MACROD2: variants seen among roughly 807,000 people sequenced by gnomAD.
The protein encoded by MACROD2 is mono-ADP ribosylhydrolase 2.
Under a neutral mutation model 70.4 loss-of-function variants are expected in MACROD2, and 36 were observed. The ratio of observed to expected loss-of-function variants is 0.51; its 90% CI spans 0.39 to 0.68. MACROD2 has a LOEUF of 0.68. Among genes scored for constraint, MACROD2 ranks in the 30% least tolerant of loss-of-function variants. MACROD2 has a pLI of 0.00. For missense variants in MACROD2, 496 were observed against 538.4 expected (o/e 0.92, Z 0.78); for synonymous variants, 172 against 178.8 (o/e 0.96, Z 0.30).
intron 3 of MACROD2, among the ~76,000 whole-genome samples, chr20:14,093,561 C>T (rs1449614832): frequency 6.6e-6 from 1 of 152,038 alleles, no homozygotes; most frequent in Non-Finnish European, 1.5e-5. Flanking sequence ...TCAGTTACCT[C>T]ATGGGGATGC....
At chr20:15,727,063 A>C (rs1044668721) in intron 8 of MACROD2, among the ~76,000 whole-genome samples, 2 of 151,620 alleles carry the variant, frequency 1.3e-5, no homozygotes, top group African/African-American at 4.8e-5. Flanking sequence ...TAGTTTTAGG[A>C]TTTAAGTCTT....
intron 7 of MACROD2, among the ~76,000 whole-genome samples, chr20:15,435,978 G>GT (rs1175193861): frequency 6.6e-6 from 1 of 152,058 alleles, no homozygotes; most frequent in Non-Finnish European, 1.5e-5. Context: ...TTTCTCCTCT[G>GT]TTTTTTGGTA....
intron 5 of MACROD2, among the ~76,000 whole-genome samples, chr20:14,846,508 A>T (rs1165883328): frequency 6.8e-6 from 1 of 147,052 alleles, no homozygotes; most frequent in Non-Finnish European, 1.5e-5. Flanking sequence ...TGGGAGGAAA[A>T]TGCACATCAC....
intron 6 of MACROD2, among the ~76,000 whole-genome samples, chr20:15,393,516 A>G (rs1052775962): frequency 3.3e-5 from 5 of 151,638 alleles, no homozygotes; most frequent in African/African-American, 7.3e-5. Context: ...CTTCCACTCA[A>G]TTTTGCACCT....
intron 3 of MACROD2, among the ~76,000 whole-genome samples, chr20:14,109,679 C>T (rs2054421571): frequency 1.3e-5 from 2 of 151,716 alleles, no homozygotes; most frequent in African/African-American, 4.8e-5. Flanking sequence ...ACACATACAA[C>T]CTATGAAAAT....
At chr20:14,119,590 G>C (rs956360634) in intron 3 of MACROD2, among the ~76,000 whole-genome samples, 2 of 152,128 alleles carry the variant, frequency 1.3e-5, no homozygotes, top group Non-Finnish European at 2.9e-5. Context: ...TACTATTATG[G>C]ATACATTTGT....
At chr20:14,903,569 A>T (rs1430457332) in intron 5 of MACROD2, among the ~76,000 whole-genome samples, 1 of 76,358 alleles carries the variant, frequency 1.3e-5, no homozygotes, top group Non-Finnish European at 2.5e-5. Context: ...TTAAATTTTT[A>T]TTTAAAAATT....
chr20:15,872,762 G>A (rs1392199878), intron 9 of MACROD2, among the ~76,000 whole-genome samples: 1 of 152,050 alleles, frequency 6.6e-6, no homozygotes, highest in Non-Finnish European at 1.5e-5. Flanking sequence ...GTGAAAAACA[G>A]ATAAGCAAAA....
At chr20:15,290,718 C>A (rs996813611) in intron 6 of MACROD2, among the ~76,000 whole-genome samples, 1 of 152,208 alleles carries the variant, frequency 6.6e-6, no homozygotes, top group Non-Finnish European at 1.5e-5. Context: ...ATCCAGATCT[C>A]TTCTACGCAG....
intron 5 of MACROD2, among the ~76,000 whole-genome samples, chr20:15,095,263 G>C (rs1485280041): frequency 6.6e-6 from 1 of 151,232 alleles, no homozygotes; most frequent in African/African-American, 2.4e-5. Flanking sequence ...TTTTAGTAGA[G>C]ATGGGGTTTC....
At chr20:14,184,411 G>C (rs2081328217) in intron 3 of MACROD2, among the ~76,000 whole-genome samples, 1 of 152,004 alleles carries the variant, frequency 6.6e-6, no homozygotes, top group African/African-American at 2.4e-5. Flanking sequence ...CCAGTACCAT[G>C]CTGTTTTGGT....
chr20:15,083,282 G>A (rs1405966737), intron 5 of MACROD2, among the ~76,000 whole-genome samples: 1 of 152,094 alleles, frequency 6.6e-6, no homozygotes, highest in African/African-American at 2.4e-5. Flanking sequence ...AATCATACAA[G>A]GAAAGGGATT....
chr20:14,675,747 GA>G (rs1455240356), intron 4 of MACROD2, among the ~76,000 whole-genome samples: 7 of 152,106 alleles, frequency 4.6e-5, no homozygotes, highest in Non-Finnish European at 8.8e-5. Context: ...CCAATTAAAA[GA>G]CACAGGCAAA....
intron 3 of MACROD2, among the ~76,000 whole-genome samples, chr20:14,148,589 C>T (rs1024139456): frequency 1.3e-5 from 2 of 152,172 alleles, no homozygotes; most frequent in Non-Finnish European, 2.9e-5. Flanking sequence ...TGCACTGTTA[C>T]ATATTCTTTC....
chr20:14,818,143 C>T (rs1300312171), intron 5 of MACROD2, among the ~76,000 whole-genome samples: 1 of 151,890 alleles, frequency 6.6e-6, no homozygotes, highest in Non-Finnish European at 1.5e-5. Context: ...TATGGATATC[C>T]CCTGCTGGGG....
rs1490176545 is a variant in MACROD2, at chr20:15,325,738, C to G, written c.540+95677C>G. Among the ~76,000 whole-genome samples the G allele has an allele frequency of 9.9e-5, 15 of 152,134 alleles. 1 individual carries two copies. The highest frequency in any genetic ancestry group is 2.7e-4 in the African/African-American group (11 of 41,438). ...CATTAATCAGAGCTAGTGCAGGTAC[C>G]AAGGGAACAGGGGTTCCATTAGCAT... On this transcript the variant is annotated intron_variant, in intron 6 of 17. Coordinates refer to ENST00000684519, the MANE Select transcript of MACROD2 (RefSeq NM_001351661.2).
intron 5 of MACROD2, among the ~76,000 whole-genome samples, chr20:14,716,002 C>A (rs1408887740): frequency 1.3e-5 from 2 of 152,162 alleles, no homozygotes; most frequent in Non-Finnish European, 2.9e-5. Flanking sequence ...CCAACCTGCT[C>A]TGTTGCTATG....
intron 8 of MACROD2, among the ~76,000 whole-genome samples, chr20:15,660,026 A>G (rs943737245): frequency 6.6e-6 from 1 of 152,132 alleles, no homozygotes; most frequent in Non-Finnish European, 1.5e-5. Context: ...TAGAGTCTGT[A>G]TCTAGTTTGG....
chr20:15,121,548 G>T (rs1203952273), intron 5 of MACROD2, among the ~76,000 whole-genome samples: 2 of 150,456 alleles, frequency 1.3e-5, no homozygotes, highest in African/African-American at 4.9e-5. Context: ...GAAAGAAAAT[G>T]CCCTAAGGAG....
Sources: gnomAD v4.1 joint callset for allele counts (sites outside exome capture counted in the v4.1 genomes callset) on GRCh38, gnomAD v4.1.1 for gene constraint, MANE v1.5 for transcripts, NCBI Gene and HGNC (gene_info 2026-07-23, HGNC 2026-07-21) for gene names.